CP: variants seen among roughly 807,000 people sequenced by gnomAD.
CP encodes ceruloplasmin, also known as caeruloplasmin.
In CP, 64 loss-of-function variants were observed where a neutral mutation model predicts 122.4. The observed-to-expected ratio is 0.52, with a 90% CI of 0.43 to 0.64. The LOEUF is 0.64. Ranked by LOEUF, CP falls within the 30% of genes least tolerant of loss-of-function variation. The pLI is 0.00. For synonymous variants in CP, 440 were observed against 436.4 expected, an observed-to-expected ratio of 1.01 and a Z score of -0.10; for missense variants, 1,167 against 1,284.4, an observed-to-expected ratio of 0.91 and a Z score of 1.40.
chr3:149,221,044 T>A (rs1443846458), intron 1 of CP, among the ~76,000 whole-genome samples: 1 of 152,190 alleles, frequency 6.6e-6, no homozygotes, highest in Non-Finnish European at 1.5e-5. Context: ...ACCTGACATT[T>A]TTTTATGCAC....
chr3:149,219,781 A>G (rs921671112), intron 1 of CP, among the ~76,000 whole-genome samples: 3 of 152,156 alleles, frequency 2.0e-5, no homozygotes, highest in African/African-American at 7.2e-5. Context: ...CAGAGGCTGG[A>G]ATAGTTTGGA....
chr3:149,196,531 G>A lies in CP; in HGVS notation c.1713+1836C>T, dbSNP rs935251876. 5.3e-5 allele frequency among the ~76,000 whole-genome samples: 8 copies of A among 152,104 alleles called. No individual in the cohort carries two copies. In the South Asian group the frequency reaches 8.3e-4, roughly 16 times the overall value. ...AATGGTTAGTTTCAGTTCTGGCTCC[G>A]AAAATGTGCAAAATGAGCCTGGTGT... On this transcript the variant is annotated intron_variant, in intron 9 of 18. Transcript: ENST00000264613.
chr3:149,220,986 G>A (rs1341753163), intron 1 of CP, among the ~76,000 whole-genome samples: 1 of 152,162 alleles, frequency 6.6e-6, no homozygotes, highest in East Asian at 1.9e-4. Flanking sequence ...ACTGAAAAAT[G>A]AAGACATTTA....
At chr3:149,200,836 C>T (rs1203366827) in intron 7 of CP, among the ~76,000 whole-genome samples, 1 of 152,018 alleles carries the variant, frequency 6.6e-6, no homozygotes, top group Non-Finnish European at 1.5e-5. Flanking sequence ...AAAGGTCACA[C>T]AGCTAATGTA....
At chr3:149,202,913 T>C (rs1234104997) in intron 6 of CP, among the ~76,000 whole-genome samples, 2 of 146,700 alleles carry the variant, frequency 1.4e-5, no homozygotes, top group Non-Finnish European at 3.0e-5. Flanking sequence ...CTGGCCTTTT[T>C]TTTTTTTTTT....
At position 149,202,244 on chromosome 3, in the gene CP, G is replaced by T. The variant is rs780426955; in HGVS notation, c.1209-3C>A. On this transcript the variant is annotated splice_polypyrimidine_tract_variant and splice_region_variant and intron_variant, in intron 6 of 18. Coordinates refer to ENST00000264613, the MANE Select transcript of CP (RefSeq NM_000096.4). ...GTTCAAAAAACACCGCTGAGTCACT[G>T]CAGGGGGAAAAAAGTGTTTAATGCT... 1.2e-5 allele frequency: 20 copies of T among 1,614,016 alleles called. No individual in the cohort carries two copies.
chr3:149,179,291 T>C (rs1413790434), intron 15 of CP, among the ~76,000 whole-genome samples: 1 of 152,154 alleles, frequency 6.6e-6, no homozygotes, highest in African/African-American at 2.4e-5. Flanking sequence ...TGGTCAATTT[T>C]TCAGTGGCTA....
chr3:149,219,009 G>A (rs987397268), intron 1 of CP, among the ~76,000 whole-genome samples: 5 of 152,132 alleles, frequency 3.3e-5, no homozygotes, highest in Non-Finnish European at 7.3e-5. Context: ...CACTGACTGG[G>A]CTAAACATGC....
intron 1 of CP, among the ~76,000 whole-genome samples, chr3:149,213,038 TTAAAA>T (rs1353128681): frequency 6.6e-6 from 1 of 152,224 alleles, no homozygotes; most frequent in African/African-American, 2.4e-5. Context: ...AGTTGAAATA[TTAAAA>T]TAAAGCAGTT....
chr3:149,199,568 T>C (rs1576761535), intron 8 of CP, 144 bp downstream of exon 8: 1 of 1,000,204 alleles, frequency 1.0e-6, no homozygotes, highest in Non-Finnish European at 1.6e-6. Flanking sequence ...AGGGGTTTAT[T>C]TGTTTCCTGG....
chr3:149,182,156 G>A (rs1725830687), intron 13 of CP, 23 bp from the exon 14 acceptor site: 1 of 1,613,616 alleles, frequency 6.2e-7, no homozygotes, highest in Non-Finnish European at 8.5e-7. Context: ...AAGAGGAAGA[G>A]TGTCCAATCA....
Position 149,172,962 on chromosome 3 carries a change from C to G in CP, c.*752G>C, listed in dbSNP as rs980448103. On this transcript the variant is annotated 3_prime_UTR_variant, in exon 19 of 19. Transcript: ENST00000264613. ...AAGAAATACATCATTGTATTCACAA[C>G]CATGTGTCTTCATTTATAACTTTTT... is the stretch of plus-strand genomic sequence containing the variant. 1 of 152,524 alleles carries G rather than the reference C, an allele frequency of 6.6e-6. No homozygotes were observed. The highest frequency in any genetic ancestry group is 2.4e-5 in the African/African-American group (1 of 41,402). 9.4% of individuals were successfully genotyped at this position (152,524 alleles called of 1,614,324 possible).
chr3:149,212,320 A>T (rs1052381011), intron 2 of CP, 131 bp downstream of exon 2: 116 of 675,766 alleles, frequency 1.7e-4, no homozygotes, highest in Middle Eastern at 9.1e-4. Flanking sequence ...AAAAAAAAAT[A>T]AAAAAAAAAT....
chr3:149,195,402 T>C (rs986489082), intron 9 of CP, among the ~76,000 whole-genome samples: 3 of 152,230 alleles, frequency 2.0e-5, no homozygotes, highest in Admixed American at 6.5e-5. Flanking sequence ...GTTTTGTATT[T>C]GTGAAGGCAA....
intron 11 of CP, 183 bp downstream of exon 11, chr3:149,186,337 A>AT (rs1342413555): frequency 7.9e-5 from 51 of 645,726 alleles, no homozygotes; most frequent in Middle Eastern, 3.6e-4. Context: ...GTAACTAGGA[A>AT]ACAGACCTAT....
rs542909073 is a variant in CP at position 149,201,915 on chromosome 3, T to C, written c.1348+187A>G. Among the ~76,000 whole-genome samples, 3 of 152,320 alleles carry C rather than the reference T, an allele frequency of 2.0e-5. No individual in the cohort carries two copies. In the South Asian group the frequency reaches 6.2e-4, roughly 32 times the overall value. ...CGGCCGTCAGCAGGGCTTTTAATGATGAAAATTTACCATTGGTAATTTACA... is the reference window on the plus strand; with the variant it reads ...CGGCCGTCAGCAGGGCTTTTAATGACGAAAATTTACCATTGGTAATTTACA... On this transcript the variant is annotated intron_variant, in intron 7 of 18. Coordinates refer to ENST00000264613, the MANE Select transcript of CP (RefSeq NM_000096.4).
intron 6 of CP, among the ~76,000 whole-genome samples, chr3:149,204,625 C>T (rs755876978): frequency 6.6e-6 from 1 of 152,164 alleles, no homozygotes; most frequent in East Asian, 1.9e-4. Context: ...CAAGTCCTAG[C>T]TATCCATTTA....
chr3:149,172,301 G>A, downstream of CP: 1 of 974,650 alleles, frequency 1.0e-6, no homozygotes, highest in Non-Finnish European at 1.6e-6. Context: ...AAGTAGAGGA[G>A]TTTTTTATTT....
rs1727030564 is a variant in CP at position 149,198,267 on chromosome 3, A to T, written c.1713+100T>A. ...CTTATCTTTTAAAGGTATATACTAAAGTATTTTTGGAGATAATGATGAGGT... is the reference window on the plus strand; with the variant it reads ...CTTATCTTTTAAAGGTATATACTAATGTATTTTTGGAGATAATGATGAGGT... On this transcript the variant is annotated intron_variant, in intron 9 of 18. Coordinates refer to ENST00000264613, the MANE Select transcript of CP (RefSeq NM_000096.4). The T allele has an allele frequency of 4.4e-6, 4 of 910,662 alleles. No individual in the cohort carries two copies. In the East Asian group the frequency reaches 1.0e-4, roughly 23 times the overall value. 56.4% of individuals were successfully genotyped at this position (910,662 alleles called of 1,614,324 possible). A position where few individuals can be genotyped will look rare whatever the true frequency, so the allele number is the denominator to read the frequency against.
Sources: allele counts gnomAD v4.1 joint callset (sites outside exome capture counted in the v4.1 genomes callset), GRCh38; gene constraint gnomAD v4.1.1; transcripts MANE v1.5; gene names NCBI Gene and HGNC (gene_info 2026-07-23, HGNC 2026-07-21).